Variants in U2SURP observed in about 807,000 individuals in gnomAD.
U2SURP encodes the protein U2 snRNP-associated SURP motif-containing protein.
Under a neutral mutation model 144.9 loss-of-function variants are expected in U2SURP, and 9 were observed. The ratio of observed to expected loss-of-function variants is 0.06; its 90% confidence interval spans 0.04 to 0.11. U2SURP has a LOEUF of 0.11. Ranked by LOEUF, U2SURP falls within the 10% of genes least tolerant of loss-of-function variation. The pLI, the probability that U2SURP is intolerant of heterozygous loss-of-function variation, is 1.00. For synonymous variants in U2SURP, 408 were observed against 396.8 expected (o/e 1.03, Z -0.33); for missense variants, 724 against 1,226.7 (o/e 0.59, Z 6.12).
At chr3:143,012,051 C>G (rs547036855) in intron 2 of U2SURP, 171 bp from the exon 3 acceptor site, 14 of 830,674 alleles carry the variant, frequency 1.7e-5, no homozygotes, top group Non-Finnish European at 2.4e-5. Flanking sequence ...AAAACTTTCC[C>G]TGTTCTTAAG....
In U2SURP at chr3:143,056,507, C is replaced by T. The variant is rs557697843; in HGVS notation, c.*57C>T. 60 of 1,573,500 alleles carry T rather than the reference C, an allele frequency of 3.8e-5. No individual in the cohort carries two copies. The South Asian group carries it at 4.3e-4, about 11-fold the overall frequency. The stretch of plus-strand genomic sequence containing the variant: ...AAATGCGATTTGTTTTGTGCCTGAA[C>T]GGTCTGTTTTTTAAAAAAACAAAAA... On this transcript the variant is annotated 3_prime_UTR_variant, in exon 28 of 28. Coordinates refer to ENST00000473835, the MANE Select transcript of U2SURP (RefSeq NM_001080415.2).
In U2SURP at chr3:143,058,007, A is replaced by G. The variant is rs992935131; in HGVS notation, c.*1557A>G. Reference sequence around the variant, plus strand: ...TTGCTTGAAAGTTATTTCCTTATTCACTGTTTTGTTAGTCCATTTTGTTAG... The same window carrying G: ...TTGCTTGAAAGTTATTTCCTTATTCGCTGTTTTGTTAGTCCATTTTGTTAG... On this transcript the variant is annotated 3_prime_UTR_variant, in exon 28 of 28. Coordinates refer to ENST00000473835, the MANE Select transcript of U2SURP (RefSeq NM_001080415.2). 7.9e-5 allele frequency: 12 copies of G among 152,248 alleles called. No individual in the cohort carries two copies. Among genetic ancestry groups the G allele is most frequent in the African/African-American group, 2.7e-4 (11 of 41,382 alleles). The allele number at this position is 152,248 out of a possible 1,614,324, so 9.4% of individuals were successfully genotyped here.
intron 2 of U2SURP, among the ~76,000 whole-genome samples, chr3:143,011,453 A>G (rs370980690): frequency 6.6e-6 from 1 of 152,152 alleles, no homozygotes; most frequent in Non-Finnish European, 1.5e-5. Context: ...TGTGAATTCA[A>G]AACTATTTTG....
intron 23 of U2SURP, among the ~76,000 whole-genome samples, chr3:143,040,459 A>C (rs1214397212): frequency 6.6e-6 from 1 of 151,888 alleles, no homozygotes; most frequent in African/African-American, 2.4e-5. Context: ...ACTACTCTCT[A>C]GTGGCTGAAT....
chr3:143,025,549 A>T (rs1423122319), intron 13 of U2SURP, among the ~76,000 whole-genome samples: 1 of 152,140 alleles, frequency 6.6e-6, no homozygotes, highest in Non-Finnish European at 1.5e-5. Flanking sequence ...GAGTTTTGGA[A>T]TTGAATCATA....
chr3:143,021,342 C>T lies in U2SURP; in HGVS notation c.734-8C>T. On this transcript the variant is annotated splice_polypyrimidine_tract_variant and splice_region_variant and intron_variant, in intron 8 of 27. Transcript: ENST00000473835. Reference sequence around the variant, plus strand: ...AACTAATAATTGTCTTCTTTTCTCCCCTTTAAGTGGACGCGCCTTCAAGAA... The same window carrying T: ...AACTAATAATTGTCTTCTTTTCTCCTCTTTAAGTGGACGCGCCTTCAAGAA... 6.3e-7 allele frequency: 1 copy of T among 1,589,144 alleles called. No individual in the cohort carries two copies. The highest frequency in any genetic ancestry group is 8.6e-7 in the Non-Finnish European group (1 of 1,166,248).
intron 2 of U2SURP, among the ~76,000 whole-genome samples, chr3:143,011,473 T>G (rs1936118175): frequency 1.3e-5 from 2 of 152,296 alleles, no homozygotes; most frequent in South Asian, 4.1e-4. Context: ...GTAATAATAC[T>G]AAGGCATTAT....
intron 24 of U2SURP, among the ~76,000 whole-genome samples, chr3:143,044,128 A>C (rs1167157470): frequency 6.6e-6 from 1 of 151,956 alleles, no homozygotes; most frequent in African/African-American, 2.4e-5. Context: ...ATATTCTGTT[A>C]TGTTTACATT....
chr3:143,019,334 GAAACCATC>G (rs1475309580), intron 6 of U2SURP, among the ~76,000 whole-genome samples: 13 of 152,104 alleles, frequency 8.5e-5, no homozygotes, highest in Non-Finnish European at 1.8e-4. Flanking sequence ...TCATATCTAA[GAAACCATC>G]ACCTAATTCA....
At chr3:143,016,763 A>G in intron 5 of U2SURP, 79 bp from the exon 6 acceptor site, 1 of 1,286,140 alleles carries the variant, frequency 7.8e-7, no homozygotes, top group Non-Finnish European at 1.0e-6. Flanking sequence ...CATTTTACTA[A>G]TTTTTACTTG....
At chr3:143,008,856 C>T (rs928013619) in intron 1 of U2SURP, among the ~76,000 whole-genome samples, 5 of 152,226 alleles carry the variant, frequency 3.3e-5, no homozygotes, top group Non-Finnish European at 7.3e-5. Context: ...AGCTCTGCCT[C>T]CCGGGTTCAC....
intron 26 of U2SURP, among the ~76,000 whole-genome samples, chr3:143,054,557 T>C (rs1935050507): frequency 6.6e-6 from 1 of 152,270 alleles, no homozygotes; most frequent in Non-Finnish European, 1.5e-5. Context: ...ATTTCTACTT[T>C]TGCTTTATTC....
chr3:143,024,095 A>G, intron 13 of U2SURP, 77 bp downstream of exon 13: 1 of 1,349,202 alleles, frequency 7.4e-7, no homozygotes, highest in Non-Finnish European at 1.1e-6. Flanking sequence ...AATGGTGTTG[A>G]GGAAAAGGTA....
At chr3:143,040,419 G>A (rs1280805280) in intron 23 of U2SURP, among the ~76,000 whole-genome samples, 1 of 151,844 alleles carries the variant, frequency 6.6e-6, no homozygotes, top group South Asian at 2.1e-4. Flanking sequence ...TGTGCAGCTT[G>A]TGATCCTTGA....
chr3:143,033,868 T>G (rs1436142512), intron 18 of U2SURP, among the ~76,000 whole-genome samples: 1 of 152,198 alleles, frequency 6.6e-6, no homozygotes, highest in African/African-American at 2.4e-5. Context: ...TGGAAAGATT[T>G]TATATCATAT....
intron 24 of U2SURP, among the ~76,000 whole-genome samples, chr3:143,047,109 C>T (rs1266171801): frequency 9.4e-6 from 1 of 106,908 alleles, no homozygotes; most frequent in Non-Finnish European, 1.9e-5. Context: ...CCTCACTTCC[C>T]AGTAGGGGCG....
At chr3:143,006,688 G>A (rs1935850718) in intron 1 of U2SURP, among the ~76,000 whole-genome samples, 1 of 152,104 alleles carries the variant, frequency 6.6e-6, no homozygotes, top group South Asian at 2.1e-4. Flanking sequence ...GTTGCCGAGA[G>A]CCGAGATCAT....
At chr3:143,046,301 T>TTA (rs1560202547) in intron 24 of U2SURP, among the ~76,000 whole-genome samples, 5 of 134,422 alleles carry the variant, frequency 3.7e-5, no homozygotes, top group Admixed American at 7.7e-5. Flanking sequence ...TTTTTTATTT[T>TTA]TTTTTATTTT....
chr3:143,037,047 T>A, intron 20 of U2SURP, 132 bp from the exon 21 acceptor site: 1 of 831,640 alleles, frequency 1.2e-6, no homozygotes, highest in Middle Eastern at 3.6e-4. Context: ...GATGATAGAA[T>A]ATGTTCTTAC....
Sources: allele counts gnomAD v4.1 joint callset (sites outside exome capture counted in the v4.1 genomes callset), GRCh38; gene constraint gnomAD v4.1.1; transcripts MANE v1.5; gene names NCBI Gene and HGNC (gene_info 2026-07-23, HGNC 2026-07-21).